The following OGN variants were observed in gnomAD, a reference collection of about 807,000 sequenced individuals.
OGN encodes the protein osteoglycin, also known as mimecan.
Under a neutral mutation model 30.8 loss-of-function variants are expected in OGN, and 19 were observed. The ratio of observed to expected loss-of-function variants is 0.62; its 90% confidence interval spans 0.43 to 0.90. The LOEUF is 0.90. Ranked by LOEUF, OGN falls within the 40% of genes least tolerant of loss-of-function variation. OGN has a pLI of 0.00. For missense variants in OGN, 283 were observed against 349.7 expected (o/e 0.81, Z 1.52); for synonymous variants, 126 against 128.3 (o/e 0.98, Z 0.12).
intron 3 of OGN, 77 bp from the exon 4 acceptor site, chr9:92,393,321 A>G: frequency 8.9e-7 from 1 of 1,120,264 alleles, no homozygotes. Flanking sequence ...AATTATTGCT[A>G]TTATGAATGC....
Position 92,401,131 on chromosome 9 carries a change from C to T in OGN, c.229G>A (p.Glu77Lys), listed in dbSNP as rs770950188. Reference protein sequence around the residue: ...NEKSLQLQKDEAITPLPPKKE... With the variant: ...NEKSLQLQKDKAITPLPPKKE... ...TTGGGAGGTAATGGTGTTATTGCCTCATCTTTTTGTAATTGAAGACTTTTC... is the reference window on the plus strand; with the variant it reads ...TTGGGAGGTAATGGTGTTATTGCCTTATCTTTTTGTAATTGAAGACTTTTC... The change falls in exon 3 of 7, where the codon GAG (glutamate) becomes AAG (lysine). Residue 77 changes from glutamate (E) to lysine (K), a missense_variant. Transcript: ENST00000375561. 1.3e-6 allele frequency: 2 copies of T among 1,553,786 alleles called. No individual in the cohort carries two copies. Among genetic ancestry groups the T allele is most frequent in the African/African-American group, 2.7e-5 (2 of 73,586 alleles).
In OGN at chr9:92,383,754, C is replaced by T. The variant is rs892681408; in HGVS notation, c.*1866G>A. 3.3e-5 allele frequency among the ~76,000 whole-genome samples: 5 copies of T among 151,942 alleles called. No individual in the cohort carries two copies. The highest frequency in any genetic ancestry group is 7.4e-5 in the Non-Finnish European group (5 of 67,964). On this transcript the variant is annotated 3_prime_UTR_variant, in exon 7 of 7. Transcript: ENST00000375561. Reference sequence around the variant, plus strand: ...TTAATTCTGGAATTCATACCTTTTACCAATGTTCTTTCTCCCTTATCATTA... The same window carrying T: ...TTAATTCTGGAATTCATACCTTTTATCAATGTTCTTTCTCCCTTATCATTA...
rs1300279984 is a variant in OGN, at chr9:92,386,262, T to C, written c.665A>G (p.His222Arg). 3.7e-6 allele frequency: 6 copies of C among 1,613,540 alleles called. No individual in the cohort carries two copies. The highest frequency in any genetic ancestry group is 5.1e-6 in the Non-Finnish European group (6 of 1,179,656). Reference protein sequence around the residue: ...LNNLTFLYLDHNALESVPLNL... With the variant: ...LNNLTFLYLDRNALESVPLNL... ...AAGAGGCACGGATTCCAGGGCATTA[T>C]GGTCCAAGTAGAGGAAGGTGAGGTT... The change falls in exon 6 of 7, where the codon CAT becomes CGT. Residue 222 changes from histidine to arginine, a missense_variant. Transcript: ENST00000375561.
chr9:92,390,424 A>T (rs895246404), intron 4 of OGN, among the ~76,000 whole-genome samples: 58 of 152,032 alleles, frequency 3.8e-4, no homozygotes, highest in African/African-American at 1.4e-3. Context: ...AATTTTTTTT[A>T]TTTTTTTGCT....
At chr9:92,400,745 A>G (rs568833557) in intron 3 of OGN, among the ~76,000 whole-genome samples, 24 of 152,342 alleles carry the variant, frequency 1.6e-4, no homozygotes, top group African/African-American at 5.3e-4. Context: ...TAAGTTTCTT[A>G]AAGGCAATAA....
intron 5 of OGN, among the ~76,000 whole-genome samples, chr9:92,388,704 T>G (rs1365072349): frequency 2.0e-5 from 3 of 151,658 alleles, no homozygotes; most frequent in Non-Finnish European, 2.9e-5. Context: ...TGGTGGTGTG[T>G]GCCTGTAGTC....
chr9:92,396,105 G>GT (rs761569492), intron 3 of OGN, among the ~76,000 whole-genome samples: 157 of 152,156 alleles, frequency 1.0e-3, no homozygotes, highest in Admixed American at 2.6e-3. Context: ...TTTCAGCACC[G>GT]TTTTTTAAAA....
intron 5 of OGN, among the ~76,000 whole-genome samples, chr9:92,388,788 C>T (rs142806662): frequency 0.031 from 4,568 of 147,252 alleles, 108 homozygotes; most frequent in South Asian, 0.082. Context: ...GCCAAGATCA[C>T]GCCACTGCAC....
intron 5 of OGN, among the ~76,000 whole-genome samples, chr9:92,388,848 A>G (rs1357762746): frequency 6.6e-6 from 1 of 151,862 alleles, no homozygotes; most frequent in African/African-American, 2.4e-5. Flanking sequence ...AAAAAAAAAA[A>G]AGGTGTATCT....
At chr9:92,401,227 C>A in intron 2 of OGN, 42 bp from the exon 3 acceptor site, 1 of 849,988 alleles carries the variant, frequency 1.2e-6, no homozygotes, top group Non-Finnish European at 2.0e-6. Context: ...TTCATTAAGT[C>A]TGTGTTTCTC....
At chr9:92,392,300 T>C (rs1842716468) in intron 4 of OGN, among the ~76,000 whole-genome samples, 2 of 152,256 alleles carry the variant, frequency 1.3e-5, no homozygotes, top group South Asian at 4.1e-4. Flanking sequence ...TTACAACCCC[T>C]GGGAAGTAGG....
chr9:92,390,117 A>G (rs1413653660), intron 4 of OGN, 61 bp from the exon 5 acceptor site: 3 of 960,380 alleles, frequency 3.1e-6, no homozygotes, highest in Non-Finnish European at 4.8e-6. Flanking sequence ...TATGGACTGA[A>G]GAAAAGCATT....
intron 3 of OGN, 129 bp from the exon 4 acceptor site, chr9:92,393,373 G>A (rs753164969): frequency 3.0e-6 from 2 of 673,032 alleles, no homozygotes; most frequent in Admixed American, 3.3e-5. Flanking sequence ...TCATAAGAAA[G>A]ATAGTCATGG....
At position 92,404,519 on chromosome 9, in the gene OGN, T is replaced by C; in HGVS notation, c.-99A>G. On this transcript the variant is annotated 5_prime_UTR_variant, in exon 1 of 7. Transcript: ENST00000375561. The stretch of plus-strand genomic sequence containing the variant: ...ACCGTTGTAGCTGTTTTGAAGTTTT[T>C]TGTGGTTTTCCTCAATAGATGTTCA... The C allele has an allele frequency of 1.5e-6, 2 of 1,297,106 alleles. No homozygotes were observed. The highest frequency in any genetic ancestry group is 2.0e-6 in the Non-Finnish European group (2 of 987,902). 80.3% of individuals were successfully genotyped at this position (1,297,106 alleles called of 1,614,324 possible).
rs147947419 is a variant in OGN at position 92,399,454 on chromosome 9, C to T, written c.268+1638G>A. Among the ~76,000 whole-genome samples, 272 of 152,014 alleles carry T rather than the reference C, an allele frequency of 1.8e-3. 1 individual carries two copies. Among genetic ancestry groups the T allele is most frequent in the African/African-American group, 6.2e-3 (258 of 41,448 alleles). ...AGATCTTTATTTTTAGTTATATTAT[C>T]TGTGAGCTCTTTATCTAGTGATATT... On this transcript the variant is annotated intron_variant, in intron 3 of 6. Transcript: ENST00000375561.
rs1842656649 is a variant in OGN, at chr9:92,391,016, G to C, written c.428-960C>G. On this transcript the variant is annotated intron_variant, in intron 4 of 6. Transcript: ENST00000375561. ...GTGGTGGCTTATGCCTGTAATCCTA[G>C]CACTTTGGGAGGCCAAGGTGGGCAG... 3.9e-5 allele frequency among the ~76,000 whole-genome samples: 6 copies of C among 152,064 alleles called. No individual in the cohort carries two copies. The South Asian group carries it at 1.2e-3, about 32-fold the overall frequency.
Position 92,383,340 on chromosome 9 carries a change from T to C in OGN, c.*2280A>G, listed in dbSNP as rs1050027548. Reference sequence around the variant, plus strand: ...CCATTTTATTTGTGTGAAAGCATCATTGAGATTTTGATGGCAACTGTGTTC... The same window carrying C: ...CCATTTTATTTGTGTGAAAGCATCACTGAGATTTTGATGGCAACTGTGTTC... On this transcript the variant is annotated 3_prime_UTR_variant, in exon 7 of 7. Coordinates refer to ENST00000375561, the MANE Select transcript of OGN (RefSeq NM_014057.5). 6.6e-6 allele frequency among the ~76,000 whole-genome samples: 1 copy of C among 152,210 alleles called. No homozygotes were observed. Among genetic ancestry groups the C allele is most frequent in the East Asian group, 1.9e-4 (1 of 5,204 alleles).
At chr9:92,386,629 A>G (rs1842432670) in intron 5 of OGN, among the ~76,000 whole-genome samples, 1 of 152,156 alleles carries the variant, frequency 6.6e-6, no homozygotes, top group African/African-American at 2.4e-5. Context: ...TAATGAGGTG[A>G]GTCCCTATGT....
chr9:92,388,750 C>G (rs1307108195), intron 5 of OGN, among the ~76,000 whole-genome samples: 1 of 147,628 alleles, frequency 6.8e-6, no homozygotes, highest in Non-Finnish European at 1.5e-5. Flanking sequence ...GAGAATTGCT[C>G]AAACCTGGGA....
Sources: gnomAD v4.1 joint callset for allele counts (sites outside exome capture counted in the v4.1 genomes callset) on GRCh38, gnomAD v4.1.1 for gene constraint, MANE v1.5 for transcripts, NCBI Gene and HGNC (gene_info 2026-07-23, HGNC 2026-07-21) for gene names.